The following RALYL variants were observed in gnomAD, a reference collection of about 807,000 sequenced individuals.
The protein encoded by RALYL is RNA-binding Raly-like protein.
A neutral mutation model predicts 35.1 loss-of-function variants in RALYL; 29 were observed. That is an observed-to-expected ratio of 0.83 (90% CI 0.61 to 1.13). The LOEUF (loss-of-function observed/expected upper bound fraction) is 1.13. RALYL is among the 50% of genes most tolerant of loss of function. The pLI, the probability that RALYL is intolerant of heterozygous loss-of-function variation, is 0.00. For missense variants in RALYL, 359 were observed against 360.4 expected (o/e 1.00, Z 0.03); for synonymous variants, 120 against 127.6 (o/e 0.94, Z 0.40).
chr8:84,411,125 ATC>A (rs1174539725), intron 1 of RALYL, among the ~76,000 whole-genome samples: 1 of 151,946 alleles, frequency 6.6e-6, no homozygotes, highest in African/African-American at 2.4e-5. Context: ...TCAAAAATAT[ATC>A]TTTTTTTAAG....
intron 2 of RALYL, among the ~76,000 whole-genome samples, chr8:84,761,561 G>T (rs1812711743): frequency 6.6e-6 from 1 of 151,928 alleles, no homozygotes; most frequent in Non-Finnish European, 1.5e-5. Flanking sequence ...ACTGTAAAGT[G>T]ACCACATAGA....
At chr8:84,644,729 G>T (rs909947734) in intron 2 of RALYL, among the ~76,000 whole-genome samples, 2 of 150,798 alleles carry the variant, frequency 1.3e-5, no homozygotes, top group South Asian at 2.1e-4. Context: ...TTCCAAGTTT[G>T]TCTTTTTTTT....
In RALYL at chr8:84,736,216, C is replaced by T. The variant is rs561091225; in HGVS notation, c.257-38363C>T. 2.2e-4 allele frequency among the ~76,000 whole-genome samples: 34 copies of T among 152,066 alleles called. No individual in the cohort carries two copies. The South Asian group carries it at 2.9e-3, about 13-fold the overall frequency. ...GAATTAATGCTGTTTTCAAAGATGC[C>T]GGAATTCCACATCAGCACAAAAAGT... is the stretch of plus-strand genomic sequence containing the variant. On this transcript the variant is annotated intron_variant, in intron 2 of 8. Transcript: ENST00000521268.
intron 2 of RALYL, among the ~76,000 whole-genome samples, chr8:84,751,518 A>AT (rs549428056): frequency 8.0e-4 from 122 of 151,932 alleles, no homozygotes; most frequent in Middle Eastern, 3.4e-3. Flanking sequence ...TGGTTTATGC[A>AT]TTTTTTTGTC....
At chr8:84,291,605 T>C (rs1838783424) in intron 1 of RALYL, among the ~76,000 whole-genome samples, 1 of 152,148 alleles carries the variant, frequency 6.6e-6, no homozygotes, top group Non-Finnish European at 1.5e-5. Context: ...ACTTTATTCC[T>C]GATGAGAATA....
chr8:84,805,821 A>G (rs1824460126), intron 4 of RALYL, among the ~76,000 whole-genome samples: 1 of 152,252 alleles, frequency 6.6e-6, no homozygotes, highest in Non-Finnish European at 1.5e-5. Context: ...TGACTAACAT[A>G]TTAAAGTGTA....
At chr8:84,403,399 A>C (rs2043119982) in intron 1 of RALYL, among the ~76,000 whole-genome samples, 1 of 151,764 alleles carries the variant, frequency 6.6e-6, no homozygotes, top group African/African-American at 2.4e-5. Context: ...TTTCCAACAT[A>C]ATTTGTTAAA....
intron 8 of RALYL, among the ~76,000 whole-genome samples, chr8:84,888,707 C>T (rs989153519): frequency 6.6e-6 from 1 of 152,016 alleles, no homozygotes; most frequent in Admixed American, 6.6e-5. Flanking sequence ...AACATGCCAG[C>T]TCTGTTAAAA....
At chr8:84,388,661 G>C (rs931386825) in intron 1 of RALYL, among the ~76,000 whole-genome samples, 2 of 152,066 alleles carry the variant, frequency 1.3e-5, no homozygotes, top group African/African-American at 4.8e-5. Context: ...GTCTGTTCAT[G>C]TCCTTCGCCC....
chr8:84,449,567 CT>C lies in RALYL; in HGVS notation c.-23-79728del, dbSNP rs2049227775. On this transcript the variant is annotated intron_variant, in intron 1 of 8. Coordinates refer to ENST00000521268, the MANE Select transcript of RALYL (RefSeq NM_173848.7). ...TCCCAATCCTGGCTCCCTGGCTTAGCTTTTGGAAGCTTTGCTCCCCCTGAGA... is the reference window on the plus strand; with the variant it reads ...TCCCAATCCTGGCTCCCTGGCTTAGCTTTGGAAGCTTTGCTCCCCCTGAGA... 2.0e-5 allele frequency among the ~76,000 whole-genome samples: 3 copies of C among 151,978 alleles called. No individual in the cohort carries two copies. The South Asian group carries it at 6.2e-4, about 31-fold the overall frequency.
chr8:84,229,230 T>A (rs1273205870), intron 1 of RALYL, among the ~76,000 whole-genome samples: 1 of 152,158 alleles, frequency 6.6e-6, no homozygotes, highest in Non-Finnish European at 1.5e-5. Flanking sequence ...AGAAACATAG[T>A]CTCTTTCTTA....
chr8:84,220,225 T>A (rs956970886), intron 1 of RALYL, among the ~76,000 whole-genome samples: 3 of 152,236 alleles, frequency 2.0e-5, no homozygotes, highest in Middle Eastern at 3.4e-3. Context: ...AATTATGGGA[T>A]CTTAAGTTCT....
At chr8:84,881,191 A>G (rs1034139700) in intron 7 of RALYL, among the ~76,000 whole-genome samples, 1 of 151,958 alleles carries the variant, frequency 6.6e-6, no homozygotes, top group African/African-American at 2.4e-5. Flanking sequence ...CCTGATGTTC[A>G]TTTATGTGGC....
At chr8:84,757,046 A>G (rs1811597536) in intron 2 of RALYL, among the ~76,000 whole-genome samples, 1 of 152,178 alleles carries the variant, frequency 6.6e-6, no homozygotes, top group Non-Finnish European at 1.5e-5. Context: ...CATACTAACA[A>G]GAAGAATTTG....
intron 2 of RALYL, among the ~76,000 whole-genome samples, chr8:84,717,339 A>G (rs932261814): frequency 6.6e-6 from 1 of 152,232 alleles, no homozygotes; most frequent in South Asian, 2.1e-4. Flanking sequence ...TTTGTACTGT[A>G]TAAACAGCCA....
At chr8:84,410,169 C>T (rs1229849485) in intron 1 of RALYL, among the ~76,000 whole-genome samples, 1 of 151,774 alleles carries the variant, frequency 6.6e-6, no homozygotes, top group Non-Finnish European at 1.5e-5. Flanking sequence ...TTAACTACTC[C>T]TAAATTTAAG....
At chr8:84,497,109 A>G (rs2056116425) in intron 1 of RALYL, among the ~76,000 whole-genome samples, 1 of 152,162 alleles carries the variant, frequency 6.6e-6, no homozygotes, top group Non-Finnish European at 1.5e-5. Context: ...CTTACCATCC[A>G]TGAAAACCTC....
At chr8:84,476,284 G>A (rs1341147427) in intron 1 of RALYL, among the ~76,000 whole-genome samples, 1 of 152,118 alleles carries the variant, frequency 6.6e-6, no homozygotes, top group Non-Finnish European at 1.5e-5. Flanking sequence ...GGGAAAGCTA[G>A]CCTTGAATGA....
intron 1 of RALYL, among the ~76,000 whole-genome samples, chr8:84,290,237 T>C (rs1358987439): frequency 6.6e-6 from 1 of 152,172 alleles, no homozygotes; most frequent in Non-Finnish European, 1.5e-5. Context: ...GGTCCATATC[T>C]TCCATGTTTT....
Sources: allele counts gnomAD v4.1 joint callset (sites outside exome capture counted in the v4.1 genomes callset), GRCh38; gene constraint gnomAD v4.1.1; transcripts MANE v1.5; gene names NCBI Gene and HGNC (gene_info 2026-07-23, HGNC 2026-07-21).